The following NIM1K variants were observed in gnomAD, a reference collection of about 807,000 sequenced individuals.
The protein encoded by NIM1K is serine/threonine-protein kinase NIM1.
A neutral mutation model predicts 37.1 loss-of-function variants in NIM1K; 35 were observed. The observed-to-expected ratio is 0.94, with a 90% CI of 0.72 to 1.25. The LOEUF is 1.25. Among genes scored for constraint, NIM1K ranks in the 50% most tolerant of loss-of-function variants. The pLI, the probability that NIM1K is intolerant of heterozygous loss-of-function variation, is 0.00. For missense variants in NIM1K, 564 were observed against 548.0 expected, an observed-to-expected ratio of 1.03 and a Z score of -0.29; for synonymous variants, 234 against 206.6, an observed-to-expected ratio of 1.13 and a Z score of -1.14.
At chr5:43,268,600 A>G (rs199641993) in intron 2 of NIM1K, among the ~76,000 whole-genome samples, 219 of 152,318 alleles carry the variant, frequency 1.4e-3, no homozygotes, top group East Asian at 1.7e-3. Context: ...CTTAGGTTCT[A>G]CAATAGTGAT....
chr5:43,256,853 T>A (rs953180138), intron 2 of NIM1K, among the ~76,000 whole-genome samples: 1 of 152,202 alleles, frequency 6.6e-6, no homozygotes, highest in Non-Finnish European at 1.5e-5. Context: ...AATAACACTG[T>A]CTATGGGCTG....
intron 2 of NIM1K, among the ~76,000 whole-genome samples, chr5:43,275,892 A>G (rs1205205500): frequency 2.0e-5 from 3 of 149,990 alleles, no homozygotes; most frequent in Non-Finnish European, 1.5e-5. Context: ...CCTGAAATTG[A>G]GTAATTTTTT....
At chr5:43,200,136 G>C (rs1751996739) in intron 1 of NIM1K, among the ~76,000 whole-genome samples, 3 of 152,060 alleles carry the variant, frequency 2.0e-5, no homozygotes, top group Admixed American at 2.0e-4. Flanking sequence ...GCCTCCCAAA[G>C]TGCTGGGATT....
At chr5:43,262,152 A>G (rs1301061522) in intron 2 of NIM1K, among the ~76,000 whole-genome samples, 1 of 152,172 alleles carries the variant, frequency 6.6e-6, no homozygotes, top group Non-Finnish European at 1.5e-5. Flanking sequence ...GAAGAAAGTC[A>G]TTGGTAACTT....
intron 1 of NIM1K, among the ~76,000 whole-genome samples, chr5:43,243,670 T>G (rs1333665085): frequency 6.6e-6 from 1 of 152,074 alleles, no homozygotes; most frequent in Non-Finnish European, 1.5e-5. Flanking sequence ...CCTTTTTTGT[T>G]TGTTTGCTTT....
At chr5:43,258,676 C>T (rs1579984039) in intron 2 of NIM1K, among the ~76,000 whole-genome samples, 2 of 152,198 alleles carry the variant, frequency 1.3e-5, no homozygotes, top group South Asian at 2.1e-4. Context: ...CTCCAGGGCT[C>T]GAGTAATCCT....
intron 2 of NIM1K, among the ~76,000 whole-genome samples, chr5:43,259,161 T>C (rs1470237448): frequency 6.6e-6 from 1 of 152,234 alleles, no homozygotes; most frequent in Non-Finnish European, 1.5e-5. Context: ...CATTGGTTGG[T>C]TGACACTTAG....
In NIM1K at chr5:43,277,134, A is replaced by C. The variant is rs1168983872; in HGVS notation, c.370A>C (p.Ser124Arg). 1.9e-6 allele frequency: 3 copies of C among 1,614,146 alleles called. No individual in the cohort carries two copies. Among genetic ancestry groups the C allele is most frequent in the East Asian group, 2.2e-5 (1 of 44,880 alleles). The part of the protein sequence containing the change: ...TQRLLSREIS[S>R]MEKLHHPNII... ...GAGGCTACTATCCCGAGAAATCTCC[A>C]GCATGGAAAAGCTGCACCATCCCAA... The change falls in exon 3 of 4, where the codon AGC becomes CGC. Residue 124 changes from serine (S) to arginine (R), a missense_variant. Transcript: ENST00000326035.
rs763142221 is a variant in NIM1K at position 43,280,520 on chromosome 5, G to GA, written c.1104dup (p.Glu369ArgfsTer6). 1.1e-5 allele frequency: 17 copies of GA among 1,614,040 alleles called. No homozygotes were observed. The highest frequency in any genetic ancestry group is 1.4e-5 in the Non-Finnish European group (16 of 1,180,030). On this transcript the variant is annotated frameshift_variant, in exon 4 of 4. Coordinates refer to ENST00000326035, the MANE Select transcript of NIM1K (RefSeq NM_153361.4). LOFTEE classifies it high-confidence loss of function. ...CACTTTAGAACATTTGGGCATTACA[G>GA]AAGAGCATATTCGAAATAACCAAGG...
chr5:43,277,184 G>T lies in NIM1K; in HGVS notation c.420G>T (p.Val140=). 1 of 1,614,154 alleles carries T rather than the reference G, an allele frequency of 6.2e-7. No homozygotes were observed. Among genetic ancestry groups the T allele is most frequent in the South Asian group, 1.1e-5 (1 of 91,070 alleles). The change falls in exon 3 of 4, where the codon GTG becomes GTT. Residue 140 remains valine (V), a synonymous_variant. Coordinates refer to ENST00000326035, the MANE Select transcript of NIM1K (RefSeq NM_153361.4). ...HPNIIRLYEV[V]ETLSKLHLVM... is the part of the protein sequence containing the mutation. ...ACATCATCCGCCTTTACGAAGTGGT[G>T]GAGACCCTATCCAAGCTGCACTTGG...
intron 1 of NIM1K, among the ~76,000 whole-genome samples, chr5:43,217,776 A>G (rs1381900269): frequency 1.5e-5 from 2 of 129,578 alleles, no homozygotes; most frequent in African/African-American, 3.0e-5. Flanking sequence ...GTTCAGTGGC[A>G]CTATCTTGGC....
intron 1 of NIM1K, chr5:43,232,187 T>C (rs1424572804): frequency 5.1e-6 from 5 of 981,812 alleles, no homozygotes; most frequent in South Asian, 1.3e-5. Flanking sequence ...AATGGCAGCA[T>C]TGACGTCTTT....
rs560206780 is a variant in NIM1K at position 43,198,296 on chromosome 5, C to A, written c.-695+5885C>A. Among the ~76,000 whole-genome samples the A allele has an allele frequency of 9.1e-5, 13 of 143,262 alleles. No homozygotes were observed. In the Admixed American group the frequency reaches 9.5e-4, roughly 10 times the overall value. 94.0% of individuals were successfully genotyped at this position (143,262 alleles called of 152,430 possible). A position where few individuals can be genotyped will look rare whatever the true frequency, so the allele number is the denominator to read the frequency against. ...CTCTCTTTCTCTCCTTTCTTCCTTC[C>A]TTCCTTACTTCCTTCCTCCCTTCCT... On this transcript the variant is annotated intron_variant, in intron 1 of 3. Transcript: ENST00000326035.
Position 43,248,879 on chromosome 5 carries a change from A to C in NIM1K, c.292+2812A>C, listed in dbSNP as rs373927438. 3.8e-4 allele frequency among the ~76,000 whole-genome samples: 58 copies of C among 151,148 alleles called. 2 individuals carry two copies. In the South Asian group the frequency reaches 8.2e-3, roughly 21 times the overall value. On this transcript the variant is annotated intron_variant, in intron 2 of 3. Coordinates refer to ENST00000326035, the MANE Select transcript of NIM1K (RefSeq NM_153361.4). Reference sequence around the variant, plus strand: ...TTTTTTTTTTAAATTAATTTTAATTAATTAATTATTTTTGAGATGGAGTCT... The same window carrying C: ...TTTTTTTTTTAAATTAATTTTAATTCATTAATTATTTTTGAGATGGAGTCT...
At chr5:43,234,404 A>G (rs1207899917) in intron 1 of NIM1K, among the ~76,000 whole-genome samples, 2 of 152,184 alleles carry the variant, frequency 1.3e-5, no homozygotes, top group Non-Finnish European at 2.9e-5. Context: ...TTTTAGATAT[A>G]CACAAAAATG....
intron 2 of NIM1K, among the ~76,000 whole-genome samples, chr5:43,251,618 A>G (rs1752868238): frequency 1.3e-5 from 2 of 152,210 alleles, no homozygotes; most frequent in Admixed American, 1.3e-4. Flanking sequence ...GGGTCTTAAG[A>G]TGATATTCTT....
chr5:43,208,037 G>A (rs1392392132), intron 1 of NIM1K, among the ~76,000 whole-genome samples: 2 of 152,184 alleles, frequency 1.3e-5, no homozygotes, highest in African/African-American at 4.8e-5. Flanking sequence ...ACAGCACAGC[G>A]AAGACTGCTG....
chr5:43,205,767 T>C (rs1202882523), intron 1 of NIM1K, among the ~76,000 whole-genome samples: 3 of 152,138 alleles, frequency 2.0e-5, no homozygotes, highest in African/African-American at 7.2e-5. Flanking sequence ...GGCTGGAGTG[T>C]AGTCTTGCGA....
intron 2 of NIM1K, among the ~76,000 whole-genome samples, chr5:43,252,942 A>G (rs182703545): frequency 7.1e-6 from 1 of 140,592 alleles, no homozygotes; most frequent in East Asian, 2.0e-4. Flanking sequence ...TTATTTATCT[A>G]TTTATCTATT....
Sources: gnomAD v4.1 joint callset for allele counts (sites outside exome capture counted in the v4.1 genomes callset) on GRCh38, gnomAD v4.1.1 for gene constraint, MANE v1.5 for transcripts, NCBI Gene and HGNC (gene_info 2026-07-23, HGNC 2026-07-21) for gene names.